Variants in MAML2 observed in about 807,000 individuals in gnomAD.
MAML2 encodes mastermind-like protein 2.
In MAML2, 22 loss-of-function variants were observed where a neutral mutation model predicts 96.1. That is an observed-to-expected ratio of 0.23 (90% confidence interval 0.16 to 0.33). The LOEUF is 0.33. MAML2 is among the 10% of genes least tolerant of loss of function. The probability of loss-of-function intolerance (pLI) is 1.00; values close to 1 mark genes in which losing one functional copy is unlikely to be tolerated. For missense variants in MAML2, 1,367 were observed against 1,392.4 expected (o/e 0.98, Z 0.29); for synonymous variants, 561 against 521.3 (o/e 1.08, Z -1.04).
intron 1 of MAML2, among the ~76,000 whole-genome samples, chr11:96,198,189 G>T (rs1271459617): frequency 1.3e-5 from 2 of 152,174 alleles, no homozygotes; most frequent in African/African-American, 4.8e-5. Flanking sequence ...GCTATCAATT[G>T]ACCCTAAAGA....
intron 2 of MAML2, among the ~76,000 whole-genome samples, chr11:95,999,312 A>G (rs564324925): frequency 4.6e-5 from 7 of 152,316 alleles, no homozygotes; most frequent in African/African-American, 1.7e-4. Context: ...TCTTTAAAAA[A>G]GATGTTAACT....
At chr11:96,121,049 A>T in intron 1 of MAML2, among the ~76,000 whole-genome samples, 1 of 148,406 alleles carries the variant, frequency 6.7e-6, no homozygotes, top group East Asian at 2.0e-4. Flanking sequence ...TTCATAACTA[A>T]CGAAAAAGTA....
chr11:96,129,652 T>C (rs1359917230), intron 1 of MAML2, among the ~76,000 whole-genome samples: 2 of 152,180 alleles, frequency 1.3e-5, no homozygotes, highest in Non-Finnish European at 2.9e-5. Flanking sequence ...TAGATTCAGG[T>C]GGTACATGTG....
chr11:96,329,356 C>G (rs1863825754), intron 1 of MAML2, among the ~76,000 whole-genome samples: 1 of 152,184 alleles, frequency 6.6e-6, no homozygotes, highest in African/African-American at 2.4e-5. Flanking sequence ...TTGGACCTCC[C>G]CCTTCCGCCA....
At chr11:96,257,913 C>T (rs1267539530) in intron 1 of MAML2, among the ~76,000 whole-genome samples, 1 of 151,972 alleles carries the variant, frequency 6.6e-6, no homozygotes, top group African/African-American at 2.4e-5. Flanking sequence ...GTCTGATTCC[C>T]TTCTATTTCC....
At chr11:96,216,803 G>A (rs1388813801) in intron 1 of MAML2, among the ~76,000 whole-genome samples, 4 of 152,222 alleles carry the variant, frequency 2.6e-5, no homozygotes, top group Admixed American at 2.6e-4. Flanking sequence ...CAGGGCTGGA[G>A]CAACACGGTG....
intron 1 of MAML2, among the ~76,000 whole-genome samples, chr11:96,260,795 C>CA (rs113056889): frequency 0.33 from 45,895 of 137,716 alleles, 7,529 homozygotes; most frequent in East Asian, 0.54. Context: ...TATTTGCAGG[C>CA]AAAAAAAAAA....
chr11:96,071,605 A>G (rs146846317), intron 2 of MAML2, among the ~76,000 whole-genome samples: 4 of 152,308 alleles, frequency 2.6e-5, no homozygotes, highest in African/African-American at 9.6e-5. Context: ...GGAATTCTCA[A>G]ATGAGAAGGT....
chr11:96,110,444 C>G (rs894588941), intron 1 of MAML2, among the ~76,000 whole-genome samples: 15 of 152,176 alleles, frequency 9.9e-5, no homozygotes, highest in African/African-American at 3.6e-4. Context: ...CTCCTTTTCT[C>G]TATCCCAACA....
intron 2 of MAML2, among the ~76,000 whole-genome samples, chr11:96,011,045 T>TG (rs1858257887): frequency 1.3e-5 from 2 of 152,226 alleles, no homozygotes; most frequent in African/African-American, 4.8e-5. Flanking sequence ...TCAGTCAGAA[T>TG]GGCTCTTATT....
At chr11:96,327,184 A>C (rs1863797064) in intron 1 of MAML2, among the ~76,000 whole-genome samples, 1 of 152,166 alleles carries the variant, frequency 6.6e-6, no homozygotes, top group South Asian at 2.1e-4. Context: ...TAATGCAGCC[A>C]AGCAAAATGC....
At chr11:96,200,972 T>A (rs535013225) in intron 1 of MAML2, among the ~76,000 whole-genome samples, 3 of 152,262 alleles carry the variant, frequency 2.0e-5, no homozygotes, top group Admixed American at 1.3e-4. Context: ...GTTTTATGTT[T>A]TGAAAGCAAT....
At chr11:96,280,053 T>G (rs1420375323) in intron 1 of MAML2, among the ~76,000 whole-genome samples, 1 of 152,090 alleles carries the variant, frequency 6.6e-6, no homozygotes, top group Non-Finnish European at 1.5e-5. Flanking sequence ...TATAGCTCCA[T>G]ATAGAGATAT....
intron 1 of MAML2, among the ~76,000 whole-genome samples, chr11:96,159,211 G>A (rs973488035): frequency 1.3e-5 from 2 of 152,074 alleles, no homozygotes; most frequent in Non-Finnish European, 2.9e-5. Context: ...TTACTGCCAA[G>A]CAGTAATCTT....
intron 1 of MAML2, among the ~76,000 whole-genome samples, chr11:96,211,481 T>G (rs1268820000): frequency 2.0e-5 from 3 of 151,624 alleles, no homozygotes; most frequent in African/African-American, 7.3e-5. Context: ...GTTATCCAAT[T>G]TGATGAGCTC....
intron 2 of MAML2, among the ~76,000 whole-genome samples, chr11:96,055,508 C>A (rs11021407): frequency 1.3e-3 from 192 of 152,278 alleles, no homozygotes; most frequent in Non-Finnish European, 2.0e-3. Context: ...CCATACAGAG[C>A]CTTTTCTCTC....
intron 1 of MAML2, among the ~76,000 whole-genome samples, chr11:96,308,616 A>G (rs1460951413): frequency 6.6e-6 from 1 of 152,244 alleles, no homozygotes; most frequent in Non-Finnish European, 1.5e-5. Flanking sequence ...GGTACTTTGC[A>G]TCAGAGTTGC....
chr11:96,331,497 T>TA lies in MAML2; in HGVS notation c.513+9885dup, dbSNP rs568943191. On this transcript the variant is annotated intron_variant, in intron 1 of 4. Transcript: ENST00000524717. ...GGGTTCTTGGAGGCTTTCTCTTTAA[T>TA]AAAAAAATGAGCTTTAAGGCCAGGC... Among the ~76,000 whole-genome samples the TA allele has an allele frequency of 2.0e-4, 31 of 151,942 alleles. No homozygotes were observed. In the South Asian group the frequency reaches 3.5e-3, roughly 17 times the overall value.
intron 1 of MAML2, among the ~76,000 whole-genome samples, chr11:96,225,266 T>A (rs377381259): frequency 6.6e-5 from 10 of 152,226 alleles, no homozygotes; most frequent in East Asian, 5.8e-4. Flanking sequence ...CTTTGATCAC[T>A]TGCTATAGGG....
Sources: gnomAD v4.1 joint callset for allele counts (sites outside exome capture counted in the v4.1 genomes callset) on GRCh38, gnomAD v4.1.1 for gene constraint, MANE v1.5 for transcripts, NCBI Gene and HGNC (gene_info 2026-07-23, HGNC 2026-07-21) for gene names.